Variants in ACACB observed in about 807,000 individuals in gnomAD.
The protein encoded by ACACB is acetyl-CoA carboxylase 2.
ACACB carries 209 observed loss-of-function variants against 278.8 expected under a neutral mutation model. The observed-to-expected ratio is 0.75, with a 90% CI of 0.67 to 0.84. The LOEUF (loss-of-function observed/expected upper bound fraction) is 0.84. Ranked by LOEUF, ACACB falls within the 40% of genes least tolerant of loss-of-function variation. ACACB has a pLI of 0.00. For missense variants in ACACB, 2,850 were observed against 3,269.0 expected (o/e 0.87, Z 3.13); for synonymous variants, 1,174 against 1,285.6 (o/e 0.91, Z 1.86).
At chr12:109,231,014 T>C (rs1161211784) in intron 28 of ACACB, among the ~76,000 whole-genome samples, 1 of 152,190 alleles carries the variant, frequency 6.6e-6, no homozygotes, top group African/African-American at 2.4e-5. Flanking sequence ...AGCCCTTTAA[T>C]GCCTCTGTAA....
At chr12:109,201,831 G>A (rs1038162330) in intron 19 of ACACB, 130 bp downstream of exon 19, 15 of 1,277,584 alleles carry the variant, frequency 1.2e-5, no homozygotes, top group Non-Finnish European at 1.6e-5. Context: ...AGAGCTCGTC[G>A]CAGCAGCCAC....
chr12:109,262,967 T>TATATATATATAG, intron 49 of ACACB: 1 of 133,598 alleles, frequency 7.5e-6, no homozygotes, highest in African/African-American at 2.6e-5. Flanking sequence ...TATATATATA[T>TATATATATATAG]ATATATATAT....
At chr12:109,144,202 A>G (rs1049358865) in intron 2 of ACACB, among the ~76,000 whole-genome samples, 1 of 152,032 alleles carries the variant, frequency 6.6e-6, no homozygotes, top group Non-Finnish European at 1.5e-5. Context: ...AGTCCCAGCT[A>G]CTCAGGAGGC....
intron 13 of ACACB, among the ~76,000 whole-genome samples, chr12:109,188,984 G>T (rs1029444633): frequency 6.6e-6 from 1 of 152,136 alleles, no homozygotes; most frequent in Non-Finnish European, 1.5e-5. Context: ...TGAGGCCTGT[G>T]ACAGCAGCCC....
chr12:109,263,241 A>AG (rs2047430755), intron 49 of ACACB: 1 of 152,002 alleles, frequency 6.6e-6, no homozygotes, highest in Non-Finnish European at 1.5e-5. Flanking sequence ...CAGTGGCGCA[A>AG]TCTCAGCTCA....
At chr12:109,191,494 G>C in intron 13 of ACACB, 119 bp from the exon 14 acceptor site, 1 of 1,316,230 alleles carries the variant, frequency 7.6e-7, no homozygotes, top group Non-Finnish European at 1.1e-6. Context: ...GATTACAGGC[G>C]TGAGCCACCA....
intron 12 of ACACB, among the ~76,000 whole-genome samples, chr12:109,186,601 G>A (rs944274276): frequency 4.6e-5 from 7 of 152,088 alleles, no homozygotes; most frequent in East Asian, 1.9e-4. Context: ...CATACCGACC[G>A]TTGATTGTCA....
rs2044564888 is a variant in ACACB at position 109,183,954 on chromosome 12, T to C, written c.1819-1625T>C. Among the ~76,000 whole-genome samples the C allele has an allele frequency of 2.0e-5, 3 of 152,094 alleles. No homozygotes were observed. The South Asian group carries it at 6.2e-4, about 32-fold the overall frequency. On this transcript the variant is annotated intron_variant, in intron 11 of 52. Transcript: ENST00000338432. ...AAAGATTTCAAAAAAGTTGCAAGAA[T>C]GATACAATTAATACCCATACGCCCT...
intron 45 of ACACB, among the ~76,000 whole-genome samples, chr12:109,257,332 A>T (rs1360775032): frequency 6.6e-6 from 1 of 151,486 alleles, no homozygotes; most frequent in Non-Finnish European, 1.5e-5. Flanking sequence ...AAAAAAAAAA[A>T]TCCACTCCTT....
At chr12:109,252,801 T>C (rs576871224) in intron 42 of ACACB, among the ~76,000 whole-genome samples, 65 of 152,318 alleles carry the variant, frequency 4.3e-4, no homozygotes, top group African/African-American at 1.4e-3. Context: ...ATATTGGAAT[T>C]ATCTAGAAAC....
chr12:109,259,518 T>C (rs1030671799), intron 47 of ACACB, among the ~76,000 whole-genome samples: 1 of 150,534 alleles, frequency 6.6e-6, no homozygotes, highest in African/African-American at 2.4e-5. Flanking sequence ...GCCCAGGAGG[T>C]TGAGGCTGTA....
Position 109,246,397 on chromosome 12 carries a change from G to A in ACACB, c.5520G>A (p.Glu1840=), listed in dbSNP as rs751996107. The change falls in exon 39 of 53, where the codon GAG becomes GAA. Residue 1840 remains glutamate (E), a synonymous_variant. Coordinates refer to ENST00000338432, the MANE Select transcript of ACACB (RefSeq NM_001093.4). The part of the protein sequence containing the change: ...NSGARIGMAE[E]IKHMFHVAWV... ...GCGCCCGTATTGGCATGGCAGAGGA[G>A]ATCAAACACATGTTCCACGTGGCTT... 2 of 1,613,736 alleles carry A rather than the reference G, an allele frequency of 1.2e-6. No homozygotes were observed. The highest frequency in any genetic ancestry group is 2.2e-5 in the South Asian group (2 of 91,050).
At position 109,139,946 on chromosome 12, in the gene ACACB, G is replaced by C; in HGVS notation, c.541G>C (p.Ala181Pro). ...CTACTCCTCCGACGAGGACTCTGTT[G>C]CTGGCTCATCTCGTGAGTCTACCCG... ...DDYSSDEDSV[A>P]GSSRESTRKG... The change falls in exon 2 of 53, where the codon GCT becomes CCT. Residue 181 changes from alanine (A) to proline (P), a missense_variant. Ala to Pro is a conservative substitution (Grantham distance 27). This residue lies in a region of ACACB where 2,265 missense variants were observed against 2,561.3 expected (regional missense o/e 0.88). Transcript: ENST00000338432. The C allele has an allele frequency of 6.2e-7, 1 of 1,614,138 alleles. No individual in the cohort carries two copies.
chr12:109,125,632 C>A (rs536430478), intron 1 of ACACB: 1 of 152,220 alleles, frequency 6.6e-6, no homozygotes, highest in South Asian at 2.1e-4. Flanking sequence ...ATGGAGAGCA[C>A]CATAAATGGT....
intron 1 of ACACB, among the ~76,000 whole-genome samples, chr12:109,133,793 T>C (rs1341954086): frequency 7.0e-6 from 1 of 143,756 alleles, no homozygotes; most frequent in Non-Finnish European, 1.5e-5. Context: ...AAAATCAAAA[T>C]TCCAGCTTGG....
chr12:109,259,234 C>T (rs2047314956), intron 47 of ACACB, 126 bp downstream of exon 47: 2 of 1,203,356 alleles, frequency 1.7e-6, no homozygotes, highest in Middle Eastern at 2.1e-4. Flanking sequence ...CTCCCAACAA[C>T]CCTGAGGAGA....
intron 19 of ACACB, among the ~76,000 whole-genome samples, chr12:109,202,124 T>C (rs2045353818): frequency 6.6e-6 from 1 of 152,154 alleles, no homozygotes; most frequent in South Asian, 2.1e-4. Flanking sequence ...GGAGCTTTGA[T>C]TCCAATGTCT....
chr12:109,145,210 G>A (rs1201135186), intron 2 of ACACB, among the ~76,000 whole-genome samples: 1 of 152,176 alleles, frequency 6.6e-6, no homozygotes, highest in Non-Finnish European at 1.5e-5. Context: ...CTGATTGCGA[G>A]GCAGTTGGCC....
At position 109,222,892 on chromosome 12, in the gene ACACB, T is replaced by C; in HGVS notation, c.3772T>C (p.Phe1258Leu). ...LSAIDMYGHQFCPENLKKLIL... is the reference protein window; with the variant it reads ...LSAIDMYGHQLCPENLKKLIL... ...TGCCATTGACATGTACGGCCACCAG[T>C]TCTGCCCCGAGAACCTCAAGGTGAG... is the stretch of plus-strand genomic sequence containing the variant. Residue 1258 changes from phenylalanine to leucine, a missense_variant, in exon 26 of 53, where the codon TTC becomes CTC. Phe to Leu is a conservative substitution (Grantham distance 22, BLOSUM62 0). Coordinates refer to ENST00000338432, the MANE Select transcript of ACACB (RefSeq NM_001093.4). The C allele has an allele frequency of 6.2e-7, 1 of 1,612,124 alleles. No homozygotes were observed. The highest frequency in any genetic ancestry group is 8.5e-7 in the Non-Finnish European group (1 of 1,179,122).
Sources: gnomAD v4.1 joint callset for allele counts (sites outside exome capture counted in the v4.1 genomes callset) on GRCh38, gnomAD v4.1.1 for gene constraint, gnomAD v4.1.1 regional missense constraint, MANE v1.5 for transcripts, NCBI Gene and HGNC (gene_info 2026-07-23, HGNC 2026-07-21) for gene names.